LHFPL3: variants seen among roughly 807,000 people sequenced by gnomAD.
LHFPL3 encodes LHFPL tetraspan subfamily member 3 protein.
In LHFPL3, 5 loss-of-function variants were observed where a neutral mutation model predicts 19.3. The ratio of observed to expected loss-of-function variants is 0.26; its 90% CI spans 0.14 to 0.54. The LOEUF is 0.54. Ranked by LOEUF, LHFPL3 falls within the 20% of genes least tolerant of loss-of-function variation. LHFPL3 has a pLI of 0.94. For synonymous variants in LHFPL3, 133 were observed against 126.2 expected, an observed-to-expected ratio of 1.05 and a Z score of -0.36; for missense variants, 249 against 307.4, an observed-to-expected ratio of 0.81 and a Z score of 1.42.
At chr7:104,525,949 T>C (rs1373445046) in intron 1 of LHFPL3, among the ~76,000 whole-genome samples, 1 of 152,032 alleles carries the variant, frequency 6.6e-6, no homozygotes. Context: ...GGCTTTATCC[T>C]ATAGGTAGGC....
chr7:104,680,548 A>C (rs926095849), intron 1 of LHFPL3, among the ~76,000 whole-genome samples: 5 of 152,136 alleles, frequency 3.3e-5, no homozygotes, highest in African/African-American at 1.2e-4. Flanking sequence ...CGTTCTCATC[A>C]TACCCATTAT....
chr7:104,848,796 T>C (rs1187487472), intron 2 of LHFPL3, among the ~76,000 whole-genome samples: 2 of 152,104 alleles, frequency 1.3e-5, no homozygotes, highest in Non-Finnish European at 2.9e-5. Context: ...GATCCTAAAA[T>C]ATCAGCCTGG....
intron 1 of LHFPL3, among the ~76,000 whole-genome samples, chr7:104,556,247 G>A (rs11978257): frequency 0.093 from 14,102 of 152,226 alleles, 1,257 homozygotes; most frequent in African/African-American, 0.24. Flanking sequence ...GGGAGCTCTG[G>A]CACCATATTT....
rs149980217 is a variant in LHFPL3, at chr7:104,901,845, A to C, written c.683-4342A>C. Among the ~76,000 whole-genome samples, 140 of 152,228 alleles carry C rather than the reference A, an allele frequency of 9.2e-4. 1 individual carries two copies. The highest frequency in any genetic ancestry group is 3.1e-3 in the African/African-American group (130 of 41,550). Reference sequence around the variant, plus strand: ...TAGCCTCCCGAAGTGCTGGGATTACAAGCATGAGCCACCACGACTGGCCCT... The same window carrying C: ...TAGCCTCCCGAAGTGCTGGGATTACCAGCATGAGCCACCACGACTGGCCCT... On this transcript the variant is annotated intron_variant, in intron 2 of 2. Transcript: ENST00000424859.
chr7:104,579,183 G>A (rs144490332), intron 1 of LHFPL3, among the ~76,000 whole-genome samples: 13 of 152,140 alleles, frequency 8.5e-5, no homozygotes, highest in African/African-American at 1.7e-4. Flanking sequence ...TTTTAGATTC[G>A]GGAGTACGTG....
chr7:104,593,821 C>T (rs1790780882), intron 1 of LHFPL3, among the ~76,000 whole-genome samples: 1 of 152,078 alleles, frequency 6.6e-6, no homozygotes, highest in South Asian at 2.1e-4. Context: ...TTTGAACCAA[C>T]AAAGTTGGTT....
Position 104,440,037 on chromosome 7 carries a change from G to GGCGGA in LHFPL3, c.445+110814_445+110815insCGGAG, listed in dbSNP as rs752612091. 2.1e-4 allele frequency among the ~76,000 whole-genome samples: 30 copies of GGCGGA among 140,470 alleles called. 1 individual carries two copies. Among genetic ancestry groups the GGCGGA allele is most frequent in the African/African-American group, 7.6e-4 (27 of 35,542 alleles). 92.2% of individuals were successfully genotyped at this position (140,470 alleles called of 152,430 possible). Reference sequence around the variant, plus strand: ...AGATTACTATATAATACAAAGCCTGGGGGGGGGGAGGGATAGCATTAGGAG... The same window carrying GGCGGA: ...AGATTACTATATAATACAAAGCCTGGGCGGAGGGGGGGGAGGGATAGCATTAGGAG... On this transcript the variant is annotated intron_variant, in intron 1 of 2. Coordinates refer to ENST00000424859, the MANE Select transcript of LHFPL3 (RefSeq NM_199000.3).
At chr7:104,850,927 G>A (rs779212299) in intron 2 of LHFPL3, among the ~76,000 whole-genome samples, 3 of 152,294 alleles carry the variant, frequency 2.0e-5, no homozygotes, top group East Asian at 3.9e-4. Flanking sequence ...CTGCAGTGGC[G>A]TGCATAAATC....
chr7:104,430,392 A>ATG (rs1446240669), intron 1 of LHFPL3, among the ~76,000 whole-genome samples: 54 of 56,558 alleles, frequency 9.5e-4, no homozygotes, highest in Non-Finnish European at 1.3e-3. Context: ...ACATATATAT[A>ATG]TATATATATA....
rs148356975 is a variant in LHFPL3 at position 104,394,093 on chromosome 7, T to C, written c.445+64869T>C. 3.3e-4 allele frequency among the ~76,000 whole-genome samples: 50 copies of C among 152,360 alleles called. 1 individual carries two copies. In the East Asian group the frequency reaches 5.2e-3, roughly 16 times the overall value. On this transcript the variant is annotated intron_variant, in intron 1 of 2. Transcript: ENST00000424859. ...GTACACTTTAAAAGAATGAATTGCT[T>C]AGTATGTGAATTATGTTTTAATACA... is the stretch of plus-strand genomic sequence containing the variant.
Position 104,833,052 on chromosome 7 carries a change from A to AATAGAGATATATTATATATATATC in LHFPL3, c.683-73135_683-73134insATAGAGATATATTATATATATATC, listed in dbSNP as rs1554349416. The stretch of plus-strand genomic sequence containing the variant: ...TATATTATATATATATATTATATAT[A>AATAGAGATATATTATATATATATC]TATTATATATAATATATATATTATA... On this transcript the variant is annotated intron_variant, in intron 2 of 2. Coordinates refer to ENST00000424859, the MANE Select transcript of LHFPL3 (RefSeq NM_199000.3). Among the ~76,000 whole-genome samples, 5 of 7,206 alleles carry AATAGAGATATATTATATATATATC rather than the reference A, an allele frequency of 6.9e-4. 1 individual carries two copies. Among genetic ancestry groups the AATAGAGATATATTATATATATATC allele is most frequent in the South Asian group, 6.7e-3 (1 of 150 alleles). 4.7% of individuals were successfully genotyped at this position (7,206 alleles called of 152,430 possible).
chr7:104,858,369 A>G (rs1791549902), intron 2 of LHFPL3, among the ~76,000 whole-genome samples: 1 of 152,172 alleles, frequency 6.6e-6, no homozygotes, highest in Non-Finnish European at 1.5e-5. Context: ...ATCCAGGACC[A>G]CACCCATACC....
intron 2 of LHFPL3, among the ~76,000 whole-genome samples, chr7:104,762,852 C>T (rs1225402895): frequency 6.6e-6 from 1 of 152,196 alleles, no homozygotes; most frequent in African/African-American, 2.4e-5. Flanking sequence ...AAATTCTATG[C>T]TCTTTCCAAG....
At chr7:104,643,833 C>T (rs1791881177) in intron 1 of LHFPL3, among the ~76,000 whole-genome samples, 1 of 152,166 alleles carries the variant, frequency 6.6e-6, no homozygotes, top group Non-Finnish European at 1.5e-5. Flanking sequence ...AATGCCAGGG[C>T]ATAGCTCATT....
At chr7:104,605,404 T>C (rs1791075147) in intron 1 of LHFPL3, among the ~76,000 whole-genome samples, 1 of 152,260 alleles carries the variant, frequency 6.6e-6, no homozygotes, top group Admixed American at 6.5e-5. Context: ...ACAGGTATAC[T>C]AATTTTCTTA....
intron 2 of LHFPL3, among the ~76,000 whole-genome samples, chr7:104,883,885 T>C (rs752183588): frequency 6.6e-6 from 1 of 152,118 alleles, no homozygotes; most frequent in Non-Finnish European, 1.5e-5. Flanking sequence ...GAGGAAAGCG[T>C]GGGCCTCTGA....
intron 2 of LHFPL3, among the ~76,000 whole-genome samples, chr7:104,795,275 C>A (rs906473309): frequency 6.6e-6 from 1 of 152,172 alleles, no homozygotes; most frequent in African/African-American, 2.4e-5. Context: ...TCACGAGCTG[C>A]CACACAAGAT....
chr7:104,880,907 A>G (rs527905580), intron 2 of LHFPL3, among the ~76,000 whole-genome samples: 18 of 152,220 alleles, frequency 1.2e-4, no homozygotes, highest in African/African-American at 4.3e-4. Flanking sequence ...GCGGTGGCTC[A>G]TGCCTGTAAT....
At chr7:104,406,687 T>C (rs1263632032) in intron 1 of LHFPL3, among the ~76,000 whole-genome samples, 2 of 152,334 alleles carry the variant, frequency 1.3e-5, no homozygotes, top group East Asian at 3.9e-4. Flanking sequence ...TCATTGGTGC[T>C]GCACAACAGC....
Sources: gnomAD v4.1 joint callset for allele counts (sites outside exome capture counted in the v4.1 genomes callset) on GRCh38, gnomAD v4.1.1 for gene constraint, MANE v1.5 for transcripts, NCBI Gene and HGNC (gene_info 2026-07-23, HGNC 2026-07-21) for gene names.